The following XRCC2 variants were observed in gnomAD, a reference collection of about 807,000 sequenced individuals.
XRCC2 encodes X-ray repair cross complementing 2, also known as DNA repair protein XRCC2.
Under a neutral mutation model 27.3 loss-of-function variants are expected in XRCC2, and 24 were observed. That is an observed-to-expected ratio of 0.88 (90% CI 0.64 to 1.24). XRCC2 has a LOEUF of 1.24. XRCC2 is among the 50% of genes most tolerant of loss of function. XRCC2 has a pLI of 0.00. For missense variants in XRCC2, 321 were observed against 325.8 expected (o/e 0.99, Z 0.11); for synonymous variants, 106 against 115.4 (o/e 0.92, Z 0.52).
intron 1 of XRCC2, 133 bp downstream of exon 1, chr7:152,675,908 G>A: frequency 8.2e-7 from 1 of 1,222,302 alleles, no homozygotes; most frequent in Non-Finnish European, 1.2e-6. Context: ...CGGGCGTCTA[G>A]GCCGAGAGGC....
At chr7:152,675,286 G>A (rs1590140489) in intron 1 of XRCC2, among the ~76,000 whole-genome samples, 1 of 152,260 alleles carries the variant, frequency 6.6e-6, no homozygotes. Flanking sequence ...TGAAACTTCA[G>A]TCATCTCCTC....
At chr7:152,659,671 G>A (rs1428166317) in intron 2 of XRCC2, among the ~76,000 whole-genome samples, 1 of 152,172 alleles carries the variant, frequency 6.6e-6, no homozygotes, top group African/African-American at 2.4e-5. Flanking sequence ...CCAGAATATG[G>A]GAATTGCTGG....
chr7:152,644,810 A>G lies in XRCC2; in HGVS notation c.*3832T>C, dbSNP rs934274044. On this transcript the variant is annotated 3_prime_UTR_variant, in exon 3 of 3. Coordinates refer to ENST00000359321, the MANE Select transcript of XRCC2 (RefSeq NM_005431.2). ...TTCTGTCTTTAGTAGTGGTATTTCC[A>G]TTTACAAAACATAGTAATTCTTGAT... 4.6e-5 allele frequency: 7 copies of G among 152,178 alleles called. No individual in the cohort carries two copies. The highest frequency in any genetic ancestry group is 1.7e-4 in the African/African-American group (7 of 41,452). 9.4% of individuals were successfully genotyped at this position (152,178 alleles called of 1,614,324 possible).
At chr7:152,649,830 T>C (rs2098027737) in intron 2 of XRCC2, among the ~76,000 whole-genome samples, 1 of 152,204 alleles carries the variant, frequency 6.6e-6, no homozygotes, top group Non-Finnish European at 1.5e-5. Flanking sequence ...CTGTCGCCAG[T>C]GAGATGCAGG....
chr7:152,664,141 T>C (rs1018758077), intron 1 of XRCC2: 1 of 152,212 alleles, frequency 6.6e-6, no homozygotes, highest in African/African-American at 2.4e-5. Flanking sequence ...AGCTCTGTAC[T>C]TGGAACTTCC....
intron 1 of XRCC2, among the ~76,000 whole-genome samples, chr7:152,670,825 A>T (rs1026947717): frequency 6.6e-6 from 1 of 152,096 alleles, no homozygotes; most frequent in Non-Finnish European, 1.5e-5. Flanking sequence ...TCTCGAACTC[A>T]GGTAATCCGC....
chr7:152,649,176 G>C lies in XRCC2; in HGVS notation c.309C>G (p.Ser103Arg), dbSNP rs1590129653. 3.1e-6 allele frequency: 5 copies of C among 1,613,732 alleles called. No individual in the cohort carries two copies. Among genetic ancestry groups the C allele is most frequent in the Non-Finnish European group, 4.2e-6 (5 of 1,180,018 alleles). Residue 103 changes from serine to arginine, a missense_variant, in exon 3 of 3, where the codon AGC (serine) becomes AGG (arginine). Coordinates refer to ENST00000359321, the MANE Select transcript of XRCC2 (RefSeq NM_005431.2). The part of the protein sequence containing the change: ...VTILEHRLSQ[S>R]SEEIIKYCLG... ...GGCAGTATTTGATTATTTCTTCAGA[G>C]CTTTGGGATAGTCTGTGCTCAAGAA...
At position 152,648,773 on chromosome 7, in the gene XRCC2, T is replaced by C. The variant is rs1381886670; in HGVS notation, c.712A>G (p.Arg238Gly). ...TCATCTTGTTTGGAGAAAAACATCC[T>C]GTGCTTCACCAGTTGCTGCCATGCC... ...CKAWQQLVKH[R>G]MFFSKQDDSQ... Residue 238 changes from arginine (R) to glycine (G), a missense_variant, in exon 3 of 3, where the codon AGG (arginine) becomes GGG (glycine). By Grantham distance (125) the Arg-to-Gly change is moderately radical (BLOSUM62 -2). Transcript: ENST00000359321. The C allele has an allele frequency of 5.6e-6, 9 of 1,614,220 alleles. No individual in the cohort carries two copies. The highest frequency in any genetic ancestry group is 1.3e-5 in the African/African-American group (1 of 75,064).
intron 2 of XRCC2, among the ~76,000 whole-genome samples, chr7:152,657,234 T>TA (rs79757667): frequency 0.89 from 123,270 of 138,608 alleles, 55,044 homozygotes; most frequent in Non-Finnish European, 0.94. Context: ...AGACTCCATC[T>TA]AAAAAAAAAA....
At chr7:152,674,264 G>T (rs1385806453) in intron 1 of XRCC2, among the ~76,000 whole-genome samples, 1 of 152,052 alleles carries the variant, frequency 6.6e-6, no homozygotes, top group East Asian at 1.9e-4. Context: ...TGGATACAAG[G>T]CTTGTTCTGA....
At chr7:152,657,445 A>AC (rs1421230078) in intron 2 of XRCC2, among the ~76,000 whole-genome samples, 4 of 151,524 alleles carry the variant, frequency 2.6e-5, no homozygotes, top group South Asian at 2.1e-4. Context: ...GATTACAGGC[A>AC]CCCGCCATCA....
At chr7:152,664,483 C>A (rs1180056158) in intron 1 of XRCC2, among the ~76,000 whole-genome samples, 1 of 152,148 alleles carries the variant, frequency 6.6e-6, no homozygotes, top group Non-Finnish European at 1.5e-5. Context: ...AACTGGGACA[C>A]CCATCTTCTC....
intron 2 of XRCC2, among the ~76,000 whole-genome samples, chr7:152,655,668 C>T (rs907067477): frequency 6.6e-6 from 1 of 152,148 alleles, no homozygotes; most frequent in Non-Finnish European, 1.5e-5. Context: ...GCCGTCACGG[C>T]GCCACTGCAC....
At chr7:152,649,597 C>T (rs543140596) in intron 2 of XRCC2, among the ~76,000 whole-genome samples, 40 of 152,170 alleles carry the variant, frequency 2.6e-4, no homozygotes, top group Admixed American at 5.9e-4. Context: ...CACATGCACT[C>T]CCACTTCAAT....
chr7:152,667,056 T>G, intron 1 of XRCC2, among the ~76,000 whole-genome samples: 1 of 152,182 alleles, frequency 6.6e-6, no homozygotes. Context: ...TTACTGTCAT[T>G]TCTCAAAACA....
chr7:152,670,611 T>C (rs2098037792), intron 1 of XRCC2, among the ~76,000 whole-genome samples: 1 of 152,112 alleles, frequency 6.6e-6, no homozygotes, highest in Non-Finnish European at 1.5e-5. Flanking sequence ...TAGGCTTTTT[T>C]TTTTTGAGAC....
At chr7:152,666,292 G>A (rs2098035617) in intron 1 of XRCC2, among the ~76,000 whole-genome samples, 1 of 151,828 alleles carries the variant, frequency 6.6e-6, no homozygotes, top group African/African-American at 2.4e-5. Context: ...GCTCTCTGCA[G>A]CCTTGACCTC....
chr7:152,650,298 A>AT (rs1164077418), intron 2 of XRCC2, among the ~76,000 whole-genome samples: 2 of 152,366 alleles, frequency 1.3e-5, no homozygotes, highest in East Asian at 3.9e-4. Context: ...TATTTGAATT[A>AT]TCTCTGGAAA....
At chr7:152,670,954 C>A (rs1209654340) in intron 1 of XRCC2, among the ~76,000 whole-genome samples, 1 of 152,196 alleles carries the variant, frequency 6.6e-6, no homozygotes, top group Non-Finnish European at 1.5e-5. Context: ...ATGGCTCATG[C>A]CAGTAATTCC....
Sources: gnomAD v4.1 joint callset for allele counts (sites outside exome capture counted in the v4.1 genomes callset) on GRCh38, gnomAD v4.1.1 for gene constraint, MANE v1.5 for transcripts, NCBI Gene and HGNC (gene_info 2026-07-23, HGNC 2026-07-21) for gene names.